TGS1: variants seen among roughly 807,000 people sequenced by gnomAD.
The protein encoded by TGS1 is trimethylguanosine synthase 1, also known as trimethylguanosine synthase.
Under a neutral mutation model 92.2 loss-of-function variants are expected in TGS1, and 69 were observed. The observed-to-expected ratio is 0.75, with a 90% CI of 0.62 to 0.91. TGS1 has a LOEUF of 0.91. Ranked by LOEUF, TGS1 falls within the 40% of genes least tolerant of loss-of-function variation. The pLI is 0.00. For synonymous variants in TGS1, 345 were observed against 338.1 expected (o/e 1.02, Z -0.22); for missense variants, 1,062 against 1,001.2 (o/e 1.06, Z -0.82).
intron 12 of TGS1, among the ~76,000 whole-genome samples, chr8:55,823,792 G>T (rs1803718735): frequency 6.6e-6 from 1 of 151,982 alleles, no homozygotes; most frequent in South Asian, 2.1e-4. Flanking sequence ...GGGAGGAGGA[G>T]GAAGGAAGGT....
rs1812265369 is a variant in TGS1, at chr8:55,803,047, T to G, written c.1999+441T>G. ...GTTGCCTTTAATGTGGAATGTTTCCTTAGCCTTTTTTGTCTTTCATGACTG... is the reference window on the plus strand; with the variant it reads ...GTTGCCTTTAATGTGGAATGTTTCCGTAGCCTTTTTTGTCTTTCATGACTG... On this transcript the variant is annotated intron_variant, in intron 9 of 12. Transcript: ENST00000260129. Among the ~76,000 whole-genome samples, 10 of 152,186 alleles carry G rather than the reference T, an allele frequency of 6.6e-5. No individual in the cohort carries two copies. The South Asian group carries it at 2.1e-3, about 31-fold the overall frequency.
chr8:55,817,914 A>G (rs190465381), intron 12 of TGS1, among the ~76,000 whole-genome samples: 39 of 152,322 alleles, frequency 2.6e-4, no homozygotes, highest in African/African-American at 9.4e-4. Flanking sequence ...AGGAGCTGGC[A>G]CACACACTTA....
intron 1 of TGS1, among the ~76,000 whole-genome samples, chr8:55,781,061 C>T (rs1357361747): frequency 6.6e-6 from 1 of 152,150 alleles, no homozygotes; most frequent in Non-Finnish European, 1.5e-5. Flanking sequence ...ATTTAGAAAC[C>T]AAAAGCTGGC....
Position 55,773,589 on chromosome 8 carries a change from G to C in TGS1, c.-30G>C. The C allele has an allele frequency of 1.9e-6, 3 of 1,578,920 alleles. No homozygotes were observed. The highest frequency in any genetic ancestry group is 2.3e-5 in the South Asian group (2 of 88,298). On this transcript the variant is annotated 5_prime_UTR_variant, in exon 1 of 13. Transcript: ENST00000260129. Reference sequence around the variant, plus strand: ...GCCCGGCAGGCGCGACCCGGGCTGCGTACGTCAGAGCTGCCTCCGAAGTGG... The same window carrying C: ...GCCCGGCAGGCGCGACCCGGGCTGCCTACGTCAGAGCTGCCTCCGAAGTGG...
At chr8:55,821,441 C>T (rs1803630716) in intron 12 of TGS1, among the ~76,000 whole-genome samples, 2 of 152,106 alleles carry the variant, frequency 1.3e-5, no homozygotes, top group South Asian at 4.1e-4. Flanking sequence ...GAGAAAACCC[C>T]CATCTTACCT....
At chr8:55,805,266 C>T (rs1436963099) in intron 10 of TGS1, among the ~76,000 whole-genome samples, 1 of 151,950 alleles carries the variant, frequency 6.6e-6, no homozygotes, top group Non-Finnish European at 1.5e-5. Flanking sequence ...TGTATGAGTC[C>T]ACTTACACCC....
At chr8:55,787,272 C>T (rs564178265) in intron 4 of TGS1, among the ~76,000 whole-genome samples, 38 of 152,182 alleles carry the variant, frequency 2.5e-4, no homozygotes, top group African/African-American at 8.7e-4. Context: ...AGTATCATTC[C>T]TTCTCTTGTA....
chr8:55,789,129 G>A (rs1206150170), intron 4 of TGS1, among the ~76,000 whole-genome samples: 1 of 152,184 alleles, frequency 6.6e-6, no homozygotes, highest in African/African-American at 2.4e-5. Context: ...ATGCTTCTAT[G>A]TAAGTATGTT....
intron 1 of TGS1, among the ~76,000 whole-genome samples, chr8:55,776,121 G>C (rs1040406471): frequency 2.0e-5 from 3 of 152,012 alleles, no homozygotes; most frequent in African/African-American, 7.2e-5. Flanking sequence ...CGAGCAACCC[G>C]AGCGAGCAAT....
At chr8:55,785,071 TG>T (rs113194202) in intron 2 of TGS1, among the ~76,000 whole-genome samples, 3,310 of 150,192 alleles carry the variant, frequency 0.022, 120 homozygotes, top group African/African-American at 0.078. Flanking sequence ...TTTTGTTTTT[TG>T]TTTTTTTTTT....
chr8:55,785,909 T>C lies in TGS1; in HGVS notation c.339+18T>C. 6.4e-7 allele frequency: 1 copy of C among 1,567,576 alleles called. No homozygotes were observed. The highest frequency in any genetic ancestry group is 8.7e-7 in the Non-Finnish European group (1 of 1,152,932). On this transcript the variant is annotated intron_variant, in intron 3 of 12. Coordinates refer to ENST00000260129, the MANE Select transcript of TGS1 (RefSeq NM_024831.8). ...ATTTTGAGGTAAATATTAATTTACT[T>C]TTATTATTTCTCTCTCTTCGTTTTC...
chr8:55,785,998 T>C, intron 3 of TGS1, 107 bp downstream of exon 3: 1 of 865,574 alleles, frequency 1.2e-6, no homozygotes, highest in South Asian at 1.9e-5. Context: ...CAGCGCTCTC[T>C]ACCTCTTTTT....
At position 55,824,839 on chromosome 8, in the gene TGS1, A is replaced by G. The variant is rs1585801980; in HGVS notation, c.*136A>G. The G allele has an allele frequency of 3.2e-6, 3 of 939,896 alleles. No individual in the cohort carries two copies. In the East Asian group the frequency reaches 8.1e-5, roughly 25 times the overall value. 58.2% of individuals were successfully genotyped at this position (939,896 alleles called of 1,614,324 possible). A position where few individuals can be genotyped will look rare whatever the true frequency, so the allele number is the denominator to read the frequency against. Reference sequence around the variant, plus strand: ...ACCGTATGAAATGGAAACTTACAGGACTTAAATATCAGTGAAATATTTTGA... The same window carrying G: ...ACCGTATGAAATGGAAACTTACAGGGCTTAAATATCAGTGAAATATTTTGA... On this transcript the variant is annotated 3_prime_UTR_variant, in exon 13 of 13. Transcript: ENST00000260129.
chr8:55,802,116 C>T (rs1812233791), intron 8 of TGS1, among the ~76,000 whole-genome samples: 1 of 152,120 alleles, frequency 6.6e-6, no homozygotes, highest in African/African-American at 2.4e-5. Context: ...ATGGTGTGAA[C>T]CCGGGAGGCG....
chr8:55,783,432 G>A (rs570588548), intron 2 of TGS1, among the ~76,000 whole-genome samples: 66 of 152,180 alleles, frequency 4.3e-4, no homozygotes, highest in African/African-American at 1.5e-3. Flanking sequence ...TTTAGAATAT[G>A]TAAATTCTAA....
At chr8:55,788,729 G>A (rs1811789723) in intron 4 of TGS1, among the ~76,000 whole-genome samples, 1 of 152,140 alleles carries the variant, frequency 6.6e-6, no homozygotes, top group Non-Finnish European at 1.5e-5. Context: ...CTCCCAAAGT[G>A]CATAGGCGTG....
intron 12 of TGS1, among the ~76,000 whole-genome samples, chr8:55,818,178 T>C (rs1168059118): frequency 6.6e-6 from 1 of 152,190 alleles, no homozygotes; most frequent in Admixed American, 6.5e-5. Flanking sequence ...AGAATTTGAC[T>C]CTTTCAGTAA....
intron 9 of TGS1, among the ~76,000 whole-genome samples, chr8:55,804,467 G>C (rs575713669): frequency 1.3e-5 from 2 of 152,260 alleles, no homozygotes; most frequent in South Asian, 4.1e-4. Context: ...TTTTTCTGGA[G>C]TGTCCAATAC....
At chr8:55,781,034 C>T (rs1811546476) in intron 1 of TGS1, among the ~76,000 whole-genome samples, 1 of 152,138 alleles carries the variant, frequency 6.6e-6, no homozygotes, top group Non-Finnish European at 1.5e-5. Context: ...AACTTGGTTC[C>T]TTTCGTGGAA....
Sources: gnomAD v4.1 joint callset for allele counts (sites outside exome capture counted in the v4.1 genomes callset) on GRCh38, gnomAD v4.1.1 for gene constraint, MANE v1.5 for transcripts, NCBI Gene and HGNC (gene_info 2026-07-23, HGNC 2026-07-21) for gene names.